The following MACF1 variants were observed in gnomAD, a reference collection of about 807,000 sequenced individuals.
MACF1 encodes microtubule actin crosslinking factor 1, also known as microtubule-actin cross-linking factor 1.
In MACF1, 193 loss-of-function variants were observed where a neutral mutation model predicts 854.8. That is an observed-to-expected ratio of 0.23 (90% CI 0.20 to 0.25). MACF1 has a LOEUF of 0.25. Ranked by LOEUF, MACF1 falls within the 10% of genes least tolerant of loss-of-function variation. The pLI, the probability that MACF1 is intolerant of heterozygous loss-of-function variation, is 1.00. For synonymous variants in MACF1, 3,185 were observed against 3,226.7 expected (o/e 0.99, Z 0.44); for missense variants, 7,722 against 8,929.1 (o/e 0.86, Z 5.45).
At chr1:39,240,106 A>C (rs1007365618) in intron 2 of MACF1, among the ~76,000 whole-genome samples, 1 of 152,116 alleles carries the variant, frequency 6.6e-6, no homozygotes, top group African/African-American at 2.4e-5. Flanking sequence ...ATGGGGTAGC[A>C]CTGATTCCAG....
intron 2 of MACF1, among the ~76,000 whole-genome samples, chr1:39,191,166 T>A (rs1432563623): frequency 6.6e-6 from 1 of 151,032 alleles, no homozygotes; most frequent in Non-Finnish European, 1.5e-5. Context: ...AAAAATTCAC[T>A]GGATATGATG....
intron 58 of MACF1, among the ~76,000 whole-genome samples, chr1:39,389,218 A>G (rs986210648): frequency 6.6e-6 from 1 of 152,074 alleles, no homozygotes; most frequent in East Asian, 1.9e-4. Context: ...TTTATAACCA[A>G]TTAAGGATAT....
intron 5 of MACF1, among the ~76,000 whole-genome samples, chr1:39,256,671 G>A (rs759790305): frequency 5.3e-5 from 8 of 152,280 alleles, no homozygotes; most frequent in East Asian, 3.9e-4. Flanking sequence ...AAATTCCTCC[G>A]TTCCCAGCAC....
chr1:39,475,979 G>T (rs74069323), intron 97 of MACF1, among the ~76,000 whole-genome samples: 2,668 of 152,046 alleles, frequency 0.018, 69 homozygotes, highest in African/African-American at 0.053. Flanking sequence ...GGGAGGACAG[G>T]GTTTCAAAAA....
At chr1:39,155,037 T>C (rs898614200) in intron 2 of MACF1, among the ~76,000 whole-genome samples, 4 of 152,144 alleles carry the variant, frequency 2.6e-5, no homozygotes, top group Admixed American at 6.6e-5. Context: ...GTGGGACCCA[T>C]TGGAGGATAA....
rs1453615351 is a variant in MACF1, at chr1:39,361,687, T to C, written c.12771+10T>C. ...CTTCCAACAGATCCAGGTGAGGATA[T>C]ATCTGCCATGTTAGCAGAATAAAGG... On this transcript the variant is annotated intron_variant, in intron 49 of 100. Transcript: ENST00000564288. The C allele has an allele frequency of 6.2e-7, 1 of 1,612,840 alleles. No homozygotes were observed. Among genetic ancestry groups the C allele is most frequent in the African/African-American group, 1.3e-5 (1 of 74,846 alleles).
chr1:39,108,537 G>T, intron 2 of MACF1, among the ~76,000 whole-genome samples: 1 of 142,406 alleles, frequency 7.0e-6, no homozygotes, highest in African/African-American at 2.6e-5. Flanking sequence ...TTGAGACGGA[G>T]TCTCACTCTG....
At chr1:39,319,100 A>G (rs770918083) in intron 30 of MACF1, among the ~76,000 whole-genome samples, 2 of 151,798 alleles carry the variant, frequency 1.3e-5, no homozygotes, top group Non-Finnish European at 2.9e-5. Context: ...TGGCTCACTT[A>G]CCTACTATAA....
In MACF1 at chr1:39,084,233, T is replaced by C. The variant is rs1012568793; in HGVS notation, c.15T>C (p.Asp5=). Reference sequence around the variant, plus strand: ...CCGCCTGGGCCATGTCTTCCTCAGATGAAGAGACGCTCAGTGAGCGGTCAT... The same window carrying C: ...CCGCCTGGGCCATGTCTTCCTCAGACGAAGAGACGCTCAGTGAGCGGTCAT... Residue 5 remains aspartate (D), a synonymous_variant, in exon 2 of 94, where the codon GAT becomes GAC. Coordinates refer to the MACF1 transcript ENST00000361689. This position sits in a 1 kb window ranked among gnomAD's most constrained non-coding sequence, Gnocchi z 5.2. The C allele has an allele frequency of 6.2e-7, 1 of 1,612,068 alleles. No individual in the cohort carries two copies. The highest frequency in any genetic ancestry group is 8.5e-7 in the Non-Finnish European group (1 of 1,179,604).
At chr1:39,423,970 TC>T in intron 60 of MACF1, 57 bp from the exon 61 acceptor site, 1 of 1,436,756 alleles carries the variant, frequency 7.0e-7, no homozygotes, top group Admixed American at 2.1e-5. Context: ...TTTTCTTTCT[TC>T]CTAGTTCAGA....
intron 57 of MACF1, among the ~76,000 whole-genome samples, chr1:39,386,197 T>TAGATG (rs1455470090): frequency 6.6e-6 from 1 of 151,690 alleles, no homozygotes; most frequent in Non-Finnish European, 1.5e-5. Context: ...TTCATCCCCA[T>TAGATG]AGATGTACTG....
At chr1:39,473,063 T>C (rs1286374735) in intron 97 of MACF1, among the ~76,000 whole-genome samples, 2 of 152,214 alleles carry the variant, frequency 1.3e-5, no homozygotes, top group Admixed American at 6.5e-5. Context: ...GAGGTGACCA[T>C]TGGCTGGAGA....
chr1:39,135,327 A>G (rs1243232547), intron 2 of MACF1, among the ~76,000 whole-genome samples: 1 of 151,976 alleles, frequency 6.6e-6, no homozygotes, highest in Non-Finnish European at 1.5e-5. Flanking sequence ...GCTCACTGTA[A>G]TCTCCGCCTC....
chr1:39,477,916 CT>C (rs1445605990), intron 97 of MACF1, among the ~76,000 whole-genome samples: 1 of 151,192 alleles, frequency 6.6e-6, no homozygotes, highest in Non-Finnish European at 1.5e-5. Context: ...TAAAATGTCA[CT>C]TCCTTCAACT....
intron 2 of MACF1, among the ~76,000 whole-genome samples, chr1:39,247,214 A>G (rs912477328): frequency 1.3e-5 from 2 of 151,068 alleles, no homozygotes; most frequent in Middle Eastern, 3.2e-3. Context: ...CTGGGACTAC[A>G]GGCGCGCGCC....
At position 39,448,110 on chromosome 1, in the gene MACF1, C is replaced by A; in HGVS notation, c.20046C>A (p.Ser6682=). The change falls in exon 83 of 101, where the codon TCC becomes TCA. Residue 6682 remains serine, a synonymous_variant. Coordinates refer to ENST00000564288, the MANE Select transcript of MACF1 (RefSeq NM_001394062.1). ...ACCTGGACTCAGAACTAGAGATATCCAATGACCCAGACAAAATTAAACTTC... is the reference window on the plus strand; with the variant it reads ...ACCTGGACTCAGAACTAGAGATATCAAATGACCCAGACAAAATTAAACTTC... ...ESHLDSELEI[S]NDPDKIKLQL... 1 of 1,614,002 alleles carries A rather than the reference C, an allele frequency of 6.2e-7. No homozygotes were observed. Among genetic ancestry groups the A allele is most frequent in the South Asian group, 1.1e-5 (1 of 91,062 alleles).
chr1:39,349,731 C>T, intron 42 of MACF1, 104 bp downstream of exon 42: 1 of 1,217,526 alleles, frequency 8.2e-7, no homozygotes, highest in Non-Finnish European at 1.1e-6. Context: ...CTCCTGGGCT[C>T]AGGCAATCCT....
At chr1:39,459,736 T>C (rs1644514958) in intron 91 of MACF1, 2 of 939,470 alleles carry the variant, frequency 2.1e-6, no homozygotes, top group Non-Finnish European at 1.5e-6. Flanking sequence ...TTACCCAGTA[T>C]AAAAAATATA....
intron 90 of MACF1, 171 bp downstream of exon 90, chr1:39,458,661 T>C: frequency 1.3e-6 from 1 of 776,638 alleles, no homozygotes; most frequent in African/African-American, 1.7e-5. Flanking sequence ...AGACAGTAGC[T>C]GTACTCCATA....
Sources: allele counts gnomAD v4.1 joint callset (sites outside exome capture counted in the v4.1 genomes callset), GRCh38; gene constraint gnomAD v4.1.1; non-coding constraint Gnocchi (gnomAD v3.1); transcripts MANE v1.5; gene names NCBI Gene and HGNC (gene_info 2026-07-23, HGNC 2026-07-21).